STXBP5L: variants seen among roughly 807,000 people sequenced by gnomAD.
The protein encoded by STXBP5L is syntaxin-binding protein 5-like.
In STXBP5L, 65 loss-of-function variants were observed where a neutral mutation model predicts 144.5. The observed-to-expected ratio is 0.45, with a 90% CI of 0.37 to 0.55. STXBP5L has a LOEUF of 0.55. STXBP5L is among the 20% of genes least tolerant of loss of function. STXBP5L has a pLI of 0.00. For missense variants in STXBP5L, 1,298 were observed against 1,405.5 expected, an observed-to-expected ratio of 0.92 and a Z score of 1.22; for synonymous variants, 505 against 469.6, an observed-to-expected ratio of 1.08 and a Z score of -0.97.
chr3:121,275,889 G>T lies in STXBP5L; in HGVS notation c.1959-3916G>T, dbSNP rs576983663. Among the ~76,000 whole-genome samples the T allele has an allele frequency of 2.1e-3, 324 of 151,692 alleles. 1 individual carries two copies. The highest frequency in any genetic ancestry group is 4.1e-3 in the Non-Finnish European group (275 of 67,846). Reference sequence around the variant, plus strand: ...CATTGTAAATGTTTTCCATCATTTCGCTTTATATTTAAAGTGGATTTGTTG... The same window carrying T: ...CATTGTAAATGTTTTCCATCATTTCTCTTTATATTTAAAGTGGATTTGTTG... On this transcript the variant is annotated intron_variant, in intron 18 of 26. Coordinates refer to ENST00000471454, the MANE Select transcript of STXBP5L (RefSeq NM_001308330.2).
At chr3:121,031,502 G>C (rs534858486) in intron 3 of STXBP5L, among the ~76,000 whole-genome samples, 2 of 152,034 alleles carry the variant, frequency 1.3e-5, no homozygotes, top group Non-Finnish European at 2.9e-5. Context: ...TGGCAGGCTG[G>C]AGACCCAGGG....
intron 5 of STXBP5L, among the ~76,000 whole-genome samples, chr3:121,067,389 G>A (rs2107649834): frequency 6.6e-6 from 1 of 151,888 alleles, no homozygotes; most frequent in Admixed American, 6.5e-5. Flanking sequence ...TTTCTTATTT[G>A]AACCTTGTGT....
chr3:120,989,287 T>C (rs1300309904), intron 3 of STXBP5L, among the ~76,000 whole-genome samples: 2 of 152,188 alleles, frequency 1.3e-5, no homozygotes, highest in Non-Finnish European at 2.9e-5. Context: ...TGCATCCTCA[T>C]CAATATCTGT....
chr3:121,324,769 G>A (rs548866781), intron 20 of STXBP5L, among the ~76,000 whole-genome samples: 2 of 152,166 alleles, frequency 1.3e-5, no homozygotes, highest in Admixed American at 1.3e-4. Context: ...CATGAGATAT[G>A]AATTAGGAAT....
chr3:121,356,410 C>A (rs1056154053), intron 20 of STXBP5L, among the ~76,000 whole-genome samples: 1 of 152,226 alleles, frequency 6.6e-6, no homozygotes, highest in Non-Finnish European at 1.5e-5. Flanking sequence ...GATGCCCCTC[C>A]CCAAGCCAGG....
chr3:121,043,015 C>T (rs1947265187), intron 4 of STXBP5L, among the ~76,000 whole-genome samples: 1 of 151,682 alleles, frequency 6.6e-6, no homozygotes, highest in South Asian at 2.1e-4. Flanking sequence ...AATTTGTTTC[C>T]ATGTGATTTG....
At chr3:121,324,885 G>C (rs990039719) in intron 20 of STXBP5L, among the ~76,000 whole-genome samples, 2 of 151,998 alleles carry the variant, frequency 1.3e-5, no homozygotes, top group African/African-American at 2.4e-5. Context: ...AGAAAGTAAG[G>C]GGGTCGCGGG....
chr3:121,244,629 T>A (rs2049781973), intron 14 of STXBP5L, among the ~76,000 whole-genome samples: 1 of 152,034 alleles, frequency 6.6e-6, no homozygotes, highest in South Asian at 2.1e-4. Context: ...AAGAGACACA[T>A]TATAATCAAA....
In STXBP5L at chr3:121,103,898, T is replaced by A. The variant is rs535343112; in HGVS notation, c.471-11027T>A. Among the ~76,000 whole-genome samples the A allele has an allele frequency of 9.8e-4, 149 of 152,286 alleles. 2 individuals carry two copies. Among genetic ancestry groups the A allele is most frequent in the East Asian group, 4.6e-3 (24 of 5,180 alleles). On this transcript the variant is annotated intron_variant, in intron 5 of 26. Transcript: ENST00000471454. ...CCACTTAAGTTTTAGTGAAGAAATA[T>A]GTTTGGGTATTTACTGCAGACAGGG...
At chr3:120,944,577 A>G (rs1332546379) in intron 2 of STXBP5L, among the ~76,000 whole-genome samples, 1 of 151,736 alleles carries the variant, frequency 6.6e-6, no homozygotes, top group Non-Finnish European at 1.5e-5. Context: ...TTTGAATGTG[A>G]TAGTTTCCTT....
intron 22 of STXBP5L, among the ~76,000 whole-genome samples, chr3:121,393,802 C>T (rs539070758): frequency 7.2e-5 from 11 of 152,154 alleles, no homozygotes; most frequent in African/African-American, 1.4e-4. Flanking sequence ...TATGTTTATA[C>T]GAGTACTCTG....
intron 3 of STXBP5L, among the ~76,000 whole-genome samples, chr3:121,008,095 G>A (rs1403719): frequency 0.12 from 18,062 of 151,734 alleles, 1,315 homozygotes; most frequent in Middle Eastern, 0.18. Context: ...TTTCCTACTG[G>A]GTTTATGTAG....
chr3:121,172,045 C>T (rs1018536975), intron 9 of STXBP5L, among the ~76,000 whole-genome samples: 10 of 152,094 alleles, frequency 6.6e-5, no homozygotes, highest in South Asian at 4.1e-4. Flanking sequence ...AGAAATAGCA[C>T]GACACATCTA....
rs951137386 is a variant in STXBP5L at position 120,964,901 on chromosome 3, A to T, written c.287+9864A>T. Reference sequence around the variant, plus strand: ...AAATCTCCCATTATTATTGTGTGGGAGTCTAAGTCTCTTTGTATGTCTCTA... The same window carrying T: ...AAATCTCCCATTATTATTGTGTGGGTGTCTAAGTCTCTTTGTATGTCTCTA... On this transcript the variant is annotated intron_variant, in intron 3 of 26. Transcript: ENST00000471454. Among the ~76,000 whole-genome samples, 6 of 152,060 alleles carry T rather than the reference A, an allele frequency of 3.9e-5. 1 individual carries two copies. The highest frequency in any genetic ancestry group is 1.2e-4 in the African/African-American group (5 of 41,388).
At position 121,045,498 on chromosome 3, in the gene STXBP5L, C is replaced by G; in HGVS notation, c.433C>G (p.Pro145Ala). 3 of 1,613,004 alleles carry G rather than the reference C, an allele frequency of 1.9e-6. No homozygotes were observed. Among genetic ancestry groups the G allele is most frequent in the Admixed American group, 1.7e-5 (1 of 59,948 alleles). The change falls in exon 5 of 27, where the codon CCA becomes GCA. Residue 145 changes from proline (P) to alanine (A), a missense_variant. Pro to Ala is a conservative substitution (Grantham distance 27, BLOSUM62 -1). Transcript: ENST00000471454. Reference protein sequence around the residue: ...LHLWNLRQKRPAILHSLKFNR... With the variant: ...LHLWNLRQKRAAILHSLKFNR... ...TTTGTGGAACCTTAGACAAAAAAGG[C>G]CAGCCATACTCCATTCTCTTAAATT...
At chr3:121,136,831 G>A (rs2045278792) in intron 7 of STXBP5L, among the ~76,000 whole-genome samples, 1 of 152,150 alleles carries the variant, frequency 6.6e-6, no homozygotes, top group Non-Finnish European at 1.5e-5. Flanking sequence ...ATCAACCTAA[G>A]TGCCCATCAA....
At chr3:120,928,348 C>T (rs1433384647) in intron 2 of STXBP5L, among the ~76,000 whole-genome samples, 6 of 152,020 alleles carry the variant, frequency 3.9e-5, no homozygotes, top group Non-Finnish European at 7.4e-5. Context: ...CTGCAACCTC[C>T]GTCTCTGGGG....
chr3:120,957,822 G>C (rs927718192), intron 3 of STXBP5L, among the ~76,000 whole-genome samples: 1 of 152,098 alleles, frequency 6.6e-6, no homozygotes, highest in Non-Finnish European at 1.5e-5. Flanking sequence ...ATCTAAAATT[G>C]ATGCCTTAAC....
intron 5 of STXBP5L, among the ~76,000 whole-genome samples, chr3:121,076,355 G>C (rs1000935847): frequency 6.6e-6 from 1 of 152,056 alleles, no homozygotes; most frequent in Non-Finnish European, 1.5e-5. Context: ...TGCATAGGGG[G>C]GTGGACTTTC....
Sources: gnomAD v4.1 joint callset for allele counts (sites outside exome capture counted in the v4.1 genomes callset) on GRCh38, gnomAD v4.1.1 for gene constraint, MANE v1.5 for transcripts, NCBI Gene and HGNC (gene_info 2026-07-23, HGNC 2026-07-21) for gene names.